BMPR1B: variants seen among roughly 807,000 people sequenced by gnomAD.
BMPR1B encodes the protein bone morphogenetic protein receptor type 1B, also known as bone morphogenetic protein receptor type-1B.
In BMPR1B, 12 loss-of-function variants were observed where a neutral mutation model predicts 59.1. The observed-to-expected ratio is 0.20, with a 90% confidence interval of 0.13 to 0.33. The LOEUF (loss-of-function observed/expected upper bound fraction) is 0.33. BMPR1B is among the 10% of genes least tolerant of loss of function. BMPR1B has a pLI of 1.00. For missense variants in BMPR1B, 550 were observed against 610.9 expected (o/e 0.90, Z 1.05); for synonymous variants, 237 against 207.3 (o/e 1.14, Z -1.23).
chr4:94,930,247 A>G (rs573145539), intron 2 of BMPR1B, among the ~76,000 whole-genome samples: 1 of 152,138 alleles, frequency 6.6e-6, no homozygotes, highest in Non-Finnish European at 1.5e-5. Flanking sequence ...ACTTCAGTAT[A>G]ACATATGAGA....
chr4:94,953,024 T>C (rs2149056944), intron 2 of BMPR1B, among the ~76,000 whole-genome samples: 1 of 152,360 alleles, frequency 6.6e-6, no homozygotes, highest in East Asian at 1.9e-4. Flanking sequence ...TGACCTTCTT[T>C]GTCTCTTTTG....
At chr4:94,997,872 A>T (rs1266261185) in intron 3 of BMPR1B, among the ~76,000 whole-genome samples, 1 of 152,168 alleles carries the variant, frequency 6.6e-6, no homozygotes, top group African/African-American at 2.4e-5. Context: ...TATATTTTGC[A>T]TAAATACTAG....
intron 10 of BMPR1B, among the ~76,000 whole-genome samples, chr4:95,146,814 G>C (rs1480343674): frequency 1.3e-5 from 2 of 152,190 alleles, no homozygotes; most frequent in African/African-American, 4.8e-5. Flanking sequence ...TAGGAGGAGA[G>C]CGTGCTTTAT....
intron 2 of BMPR1B, among the ~76,000 whole-genome samples, chr4:94,903,826 G>A (rs1047608263): frequency 2.1e-4 from 32 of 151,976 alleles, no homozygotes; most frequent in Non-Finnish European, 4.0e-4. Flanking sequence ...ACAGCCATCT[G>A]CAATGCAAGG....
Position 94,836,362 on chromosome 4 carries a change from T to G in BMPR1B, c.-182-39469T>G, listed in dbSNP as rs554446254. Among the ~76,000 whole-genome samples, 92 of 141,484 alleles carry G rather than the reference T, an allele frequency of 6.5e-4. No individual in the cohort carries two copies. In the Middle Eastern group the frequency reaches 0.01, roughly 16 times the overall value. 92.8% of individuals were successfully genotyped at this position (141,484 alleles called of 152,430 possible). On this transcript the variant is annotated intron_variant, in intron 1 of 12. Transcript: ENST00000515059. ...GACTTCCACAATGGTTGAACTAGTT[T>G]ACAGTCCCACCAACAGTGTAAAAGT...
chr4:94,907,622 A>G (rs1728097214), intron 2 of BMPR1B, among the ~76,000 whole-genome samples: 1 of 152,018 alleles, frequency 6.6e-6, no homozygotes, highest in Admixed American at 6.6e-5. Flanking sequence ...ACCTCTAGGT[A>G]GAGTTAGAGG....
intron 2 of BMPR1B, among the ~76,000 whole-genome samples, chr4:94,987,174 AAT>A (rs1324411832): frequency 7.4e-6 from 1 of 134,874 alleles, no homozygotes; most frequent in East Asian, 2.0e-4. Context: ...ATATATGTGT[AAT>A]ATACTATATA....
chr4:94,936,061 G>A (rs1457476444), intron 2 of BMPR1B, among the ~76,000 whole-genome samples: 1 of 152,076 alleles, frequency 6.6e-6, no homozygotes, highest in Non-Finnish European at 1.5e-5. Context: ...GATGTGCCTT[G>A]TATAAACGAT....
rs1022540370 is a variant in BMPR1B at position 95,156,535 on chromosome 4, G to A, written c.*1862G>A. The stretch of plus-strand genomic sequence containing the variant: ...CTAAAGCAATGAGACTTTGTGAGCT[G>A]TGCTTACAGTTTGGGAGAATCATGA... On this transcript the variant is annotated 3_prime_UTR_variant, in exon 13 of 13. Transcript: ENST00000515059. 6.6e-6 allele frequency: 1 copy of A among 151,932 alleles called. No individual in the cohort carries two copies. Among genetic ancestry groups the A allele is most frequent in the African/African-American group, 2.4e-5 (1 of 41,356 alleles). 9.4% of individuals were successfully genotyped at this position (151,932 alleles called of 1,614,324 possible). A position where few individuals can be genotyped will look rare whatever the true frequency, so the allele number is the denominator to read the frequency against.
chr4:95,121,572 T>G (rs988828658), intron 6 of BMPR1B, among the ~76,000 whole-genome samples: 1 of 152,168 alleles, frequency 6.6e-6, no homozygotes, highest in Non-Finnish European at 1.5e-5. Flanking sequence ...AAAATTTGAA[T>G]GCAAATGTAT....
intron 2 of BMPR1B, among the ~76,000 whole-genome samples, chr4:94,984,866 G>C (rs1468227745): frequency 6.6e-6 from 1 of 152,182 alleles, no homozygotes; most frequent in African/African-American, 2.4e-5. Flanking sequence ...TGAAAGCAGT[G>C]TCTTGATACC....
chr4:95,058,690 G>C (rs1024247930), intron 3 of BMPR1B, among the ~76,000 whole-genome samples: 8 of 152,156 alleles, frequency 5.3e-5, no homozygotes, highest in Non-Finnish European at 1.0e-4. Flanking sequence ...TTATCTTTCT[G>C]TTATTACATT....
At chr4:94,997,282 G>A (rs1388649121) in intron 3 of BMPR1B, among the ~76,000 whole-genome samples, 3 of 152,208 alleles carry the variant, frequency 2.0e-5, no homozygotes, top group African/African-American at 4.8e-5. Flanking sequence ...TGATGCTGCT[G>A]TAGAGCTGAA....
At chr4:95,063,169 C>T (rs932696554) in intron 3 of BMPR1B, among the ~76,000 whole-genome samples, 1 of 152,048 alleles carries the variant, frequency 6.6e-6, no homozygotes, top group Non-Finnish European at 1.5e-5. Context: ...AAGAAAGTGG[C>T]ATTCTTATAG....
chr4:94,929,026 T>C (rs1728994999), intron 2 of BMPR1B, among the ~76,000 whole-genome samples: 1 of 152,148 alleles, frequency 6.6e-6, no homozygotes, highest in African/African-American at 2.4e-5. Context: ...GTTTTCATGA[T>C]ACATGCACTG....
chr4:94,777,203 CTATT>C (rs1362565204), intron 1 of BMPR1B, among the ~76,000 whole-genome samples: 4 of 149,494 alleles, frequency 2.7e-5, no homozygotes, highest in African/African-American at 7.3e-5. Context: ...AGCAGAGTAT[CTATT>C]TAATTTCTCT....
rs116545086 is a variant in BMPR1B, at chr4:95,128,351, A to G, written c.586-1511A>G. 8.2e-3 allele frequency among the ~76,000 whole-genome samples: 1,245 copies of G among 152,346 alleles called. 14 individuals are homozygous for G. Among genetic ancestry groups the G allele is most frequent in the African/African-American group, 0.028 (1,161 of 41,578 alleles). ...TAATTGGTGTAAAGTATATCTCTAC[A>G]AAGAATACGTTCCAGTTTGCTGATC... On this transcript the variant is annotated intron_variant, in intron 8 of 12. Coordinates refer to ENST00000515059, the MANE Select transcript of BMPR1B (RefSeq NM_001203.3).
chr4:94,980,957 T>C (rs1721028033), intron 2 of BMPR1B, among the ~76,000 whole-genome samples: 1 of 151,494 alleles, frequency 6.6e-6, no homozygotes, highest in African/African-American at 2.4e-5. Context: ...ATTGCATTAC[T>C]ACCCTCCAGC....
intron 11 of BMPR1B, among the ~76,000 whole-genome samples, chr4:95,151,880 A>G (rs1236207529): frequency 6.6e-6 from 1 of 152,206 alleles, no homozygotes; most frequent in Non-Finnish European, 1.5e-5. Flanking sequence ...AAGGTGAAAA[A>G]GAAGATACTA....
Sources: gnomAD v4.1 joint callset for allele counts (sites outside exome capture counted in the v4.1 genomes callset) on GRCh38, gnomAD v4.1.1 for gene constraint, MANE v1.5 for transcripts, NCBI Gene and HGNC (gene_info 2026-07-23, HGNC 2026-07-21) for gene names.